The following PRKG1 variants were observed in gnomAD, a reference collection of about 807,000 sequenced individuals.
PRKG1 encodes the protein protein kinase cGMP-dependent 1, also known as cGMP-dependent protein kinase 1.
In PRKG1, 35 loss-of-function variants were observed where a neutral mutation model predicts 88.1. That is an observed-to-expected ratio of 0.40 (90% CI 0.30 to 0.53). The LOEUF is 0.53. Among genes scored for constraint, PRKG1 ranks in the 20% least tolerant of loss-of-function variants. PRKG1 has a pLI of 0.59. For synonymous variants in PRKG1, 303 were observed against 292.5 expected, an observed-to-expected ratio of 1.04 and a Z score of -0.37; for missense variants, 540 against 839.8, an observed-to-expected ratio of 0.64 and a Z score of 4.41.
chr10:51,296,852 G>A (rs1263586726), intron 2 of PRKG1, among the ~76,000 whole-genome samples: 1 of 151,912 alleles, frequency 6.6e-6, no homozygotes, highest in Admixed American at 6.6e-5. Flanking sequence ...TAGTTACATT[G>A]CCGCCTCTGC....
intron 7 of PRKG1, among the ~76,000 whole-genome samples, chr10:52,101,525 C>A (rs1054268065): frequency 1.1e-4 from 16 of 152,112 alleles, no homozygotes; most frequent in African/African-American, 3.9e-4. Context: ...GATCAGTTTT[C>A]CAGGAATACA....
At chr10:51,619,510 A>G (rs958126480) in intron 3 of PRKG1, among the ~76,000 whole-genome samples, 24 of 152,318 alleles carry the variant, frequency 1.6e-4, no homozygotes, top group African/African-American at 5.5e-4. Flanking sequence ...AACTAAGACC[A>G]ATCAAATCAA....
At chr10:52,217,031 A>C (rs574600584) in intron 9 of PRKG1, among the ~76,000 whole-genome samples, 1 of 152,144 alleles carries the variant, frequency 6.6e-6, no homozygotes, top group South Asian at 2.1e-4. Context: ...TTCCTGTCTG[A>C]TGGTGATGCG....
intron 3 of PRKG1, among the ~76,000 whole-genome samples, chr10:51,684,716 A>G (rs958227774): frequency 4.6e-5 from 7 of 151,802 alleles, no homozygotes; most frequent in African/African-American, 1.7e-4. Context: ...AAATACAAAA[A>G]CTTAGCTGGG....
At chr10:51,743,114 C>T (rs1347160432) in intron 3 of PRKG1, among the ~76,000 whole-genome samples, 1 of 151,920 alleles carries the variant, frequency 6.6e-6, no homozygotes, top group Non-Finnish European at 1.5e-5. Flanking sequence ...CCGGGAAAAC[C>T]ACGGCACACA....
chr10:51,492,067 T>C (rs1176357645), intron 3 of PRKG1, among the ~76,000 whole-genome samples: 1 of 152,132 alleles, frequency 6.6e-6, no homozygotes, highest in Non-Finnish European at 1.5e-5. Flanking sequence ...CTAATCTAAG[T>C]CAGGTCAATT....
At chr10:52,290,782 G>A (rs1470749813) in intron 17 of PRKG1, among the ~76,000 whole-genome samples, 1 of 152,034 alleles carries the variant, frequency 6.6e-6, no homozygotes, top group Non-Finnish European at 1.5e-5. Flanking sequence ...CTTGAGCCCA[G>A]GAATTTGAGC....
chr10:52,115,382 G>A (rs1340603319), intron 7 of PRKG1, among the ~76,000 whole-genome samples: 6 of 152,106 alleles, frequency 3.9e-5, no homozygotes, highest in Non-Finnish European at 7.4e-5. Flanking sequence ...AAAGGTGATA[G>A]TCTTATTTCT....
chr10:51,602,148 A>G (rs1838623393), intron 3 of PRKG1, among the ~76,000 whole-genome samples: 1 of 152,114 alleles, frequency 6.6e-6, no homozygotes, highest in Non-Finnish European at 1.5e-5. Flanking sequence ...ATCATTCTAC[A>G]TTAGCCCGAG....
intron 3 of PRKG1, among the ~76,000 whole-genome samples, chr10:51,581,390 AG>A (rs1275065696): frequency 6.6e-6 from 1 of 152,124 alleles, no homozygotes; most frequent in Non-Finnish European, 1.5e-5. Context: ...AATTCTCAGA[AG>A]GGAGTATGCC....
chr10:51,338,393 A>G (rs146723377), intron 2 of PRKG1, among the ~76,000 whole-genome samples: 8 of 152,336 alleles, frequency 5.3e-5, no homozygotes, highest in African/African-American at 1.9e-4. Flanking sequence ...CATCCTGCAC[A>G]TGTACCCTGG....
intron 1 of PRKG1, among the ~76,000 whole-genome samples, chr10:51,077,996 C>T (rs1217894159): frequency 6.6e-6 from 1 of 152,100 alleles, no homozygotes; most frequent in East Asian, 1.9e-4. Context: ...AGTTTCATTC[C>T]TGAAATTGAT....
intron 9 of PRKG1, among the ~76,000 whole-genome samples, chr10:52,244,911 AAT>A (rs71032634): frequency 0.86 from 117,026 of 135,562 alleles, 51,631 homozygotes; most frequent in East Asian, 1. Context: ...AACTTTTTAA[AAT>A]ATATATATAT....
chr10:51,521,133 A>C (rs1029355207), intron 3 of PRKG1, among the ~76,000 whole-genome samples: 3 of 152,160 alleles, frequency 2.0e-5, no homozygotes, highest in Non-Finnish European at 4.4e-5. Context: ...CTAAAAATAC[A>C]AAAATTAGCT....
chr10:51,906,970 T>A (rs1842099808), intron 4 of PRKG1, among the ~76,000 whole-genome samples: 1 of 152,180 alleles, frequency 6.6e-6, no homozygotes, highest in South Asian at 2.1e-4. Flanking sequence ...AGTCTTAAGA[T>A]TTCTATTTTA....
At chr10:51,219,692 A>C (rs1443296724) in intron 2 of PRKG1, among the ~76,000 whole-genome samples, 1 of 151,950 alleles carries the variant, frequency 6.6e-6, no homozygotes, top group Non-Finnish European at 1.5e-5. Flanking sequence ...CCTGGGCCAC[A>C]GTGCGAGACT....
chr10:51,651,382 C>T (rs961016454), intron 3 of PRKG1, among the ~76,000 whole-genome samples: 15 of 151,992 alleles, frequency 9.9e-5, no homozygotes, highest in African/African-American at 3.6e-4. Context: ...TATCCTTTTG[C>T]CTATGGTGGG....
chr10:51,349,930 G>T (rs551255924), intron 2 of PRKG1, among the ~76,000 whole-genome samples: 1 of 152,022 alleles, frequency 6.6e-6, no homozygotes, highest in South Asian at 2.1e-4. Context: ...CCCTAAATGA[G>T]CTTACTCTCT....
chr10:51,329,715 C>CTTGTTTT (rs1317969616), intron 2 of PRKG1, among the ~76,000 whole-genome samples: 2 of 151,974 alleles, frequency 1.3e-5, no homozygotes, highest in East Asian at 3.9e-4. Context: ...AGCTGGGTTC[C>CTTGTTTT]TTGTTTTTTG....
Sources: gnomAD v4.1 joint callset for allele counts (sites outside exome capture counted in the v4.1 genomes callset) on GRCh38, gnomAD v4.1.1 for gene constraint, MANE v1.5 for transcripts, NCBI Gene and HGNC (gene_info 2026-07-23, HGNC 2026-07-21) for gene names.